UPK3A: variants seen among roughly 807,000 people sequenced by gnomAD.
The protein encoded by UPK3A is uroplakin 3A.
UPK3A carries 32 observed loss-of-function variants against 27.6 expected under a neutral mutation model. That is an observed-to-expected ratio of 1.16 (90% CI 0.87 to 1.55). The LOEUF (loss-of-function observed/expected upper bound fraction) is 1.55. UPK3A is among the 40% of genes most tolerant of loss of function. UPK3A has a pLI of 0.00. For synonymous variants in UPK3A, 171 were observed against 163.9 expected (o/e 1.04, Z -0.33); for missense variants, 370 against 367.9 (o/e 1.01, Z -0.05).
rs41278913 is a variant in UPK3A at position 45,295,806 on chromosome 22, G to T, written c.*87G>T. 23 of 1,537,204 alleles carry T rather than the reference G, an allele frequency of 1.5e-5. No homozygotes were observed. Among genetic ancestry groups the T allele is most frequent in the Non-Finnish European group, 2.0e-5 (22 of 1,122,998 alleles). Reference sequence around the variant, plus strand: ...GGTGGTTGTCACACCCTGACTTCAGGGAAGGTGAAACAGGGCTTGTCCCTC... The same window carrying T: ...GGTGGTTGTCACACCCTGACTTCAGTGAAGGTGAAACAGGGCTTGTCCCTC... On this transcript the variant is annotated 3_prime_UTR_variant, in exon 6 of 6. Transcript: ENST00000216211.
chr22:45,289,363 CAGG>C (rs1270878389), intron 4 of UPK3A, among the ~76,000 whole-genome samples: 1 of 152,016 alleles, frequency 6.6e-6, no homozygotes, highest in Non-Finnish European at 1.5e-5. Context: ...ATCACGAGGT[CAGG>C]AGATCGAGAC....
Position 45,295,728 on chromosome 22 carries a change from C to G in UPK3A, c.*9C>G. ...GCAAGCTCCAAGACTGAGCCCAGCA[C>G]CACCCCTGGGCAGCAGCATCCTCCT... On this transcript the variant is annotated 3_prime_UTR_variant, in exon 6 of 6. Transcript: ENST00000216211. The G allele has an allele frequency of 6.2e-7, 1 of 1,613,648 alleles. No homozygotes were observed. Among genetic ancestry groups the G allele is most frequent in the Non-Finnish European group, 8.5e-7 (1 of 1,179,988 alleles).
At chr22:45,289,828 C>G (rs1031721346) in intron 4 of UPK3A, among the ~76,000 whole-genome samples, 5 of 151,754 alleles carry the variant, frequency 3.3e-5, no homozygotes, top group African/African-American at 1.2e-4. Context: ...GGTGTGGGAA[C>G]AGATCAAGGT....
At position 45,295,424 on chromosome 22, in the gene UPK3A, A is replaced by T. The variant is rs2084188258; in HGVS notation, c.705-136A>T. On this transcript the variant is annotated intron_variant, in intron 5 of 5. Coordinates refer to ENST00000216211, the MANE Select transcript of UPK3A (RefSeq NM_006953.4). Reference sequence around the variant, plus strand: ...GGCACAGGGTCAGTGCTCCAGAAAGATGGATTGATTGAATTCATGTCTACG... The same window carrying T: ...GGCACAGGGTCAGTGCTCCAGAAAGTTGGATTGATTGAATTCATGTCTACG... The T allele has an allele frequency of 4.1e-6, 4 of 984,918 alleles. No homozygotes were observed. In the African/African-American group the frequency reaches 6.4e-5, roughly 16 times the overall value. 61.0% of individuals were successfully genotyped at this position (984,918 alleles called of 1,614,324 possible).
Position 45,288,996 on chromosome 22 carries a change from A to G in UPK3A, c.489-65A>G. 1.1e-5 allele frequency: 17 copies of G among 1,541,590 alleles called. No individual in the cohort carries two copies. The South Asian group carries it at 1.2e-4, about 11-fold the overall frequency. On this transcript the variant is annotated intron_variant, in intron 3 of 5. Transcript: ENST00000216211. ...CCCCTAGGCCATCCTACATCCCCCC[A>G]CCGCCTCCCTGTGGGTGGGGCTCAC... is the stretch of plus-strand genomic sequence containing the variant.
chr22:45,289,123 AC>A lies in UPK3A; in HGVS notation c.555del (p.Ile186SerfsTer23). ...GLVEDQTLWS[D>X]PIRTNQLTPY... is the part of the protein sequence containing the mutation. ...GTAGAGGACCAGACCCTGTGGTCAG[AC>A]CCCATCCGCACCAACCAGCGTAAGT... On this transcript the variant is annotated frameshift_variant, in exon 4 of 6. Coordinates refer to ENST00000216211, the MANE Select transcript of UPK3A (RefSeq NM_006953.4). LOFTEE classifies it high-confidence loss of function. The A allele has an allele frequency of 6.2e-7, 1 of 1,613,876 alleles. No homozygotes were observed.
At chr22:45,289,664 G>C (rs1048328412) in intron 4 of UPK3A, among the ~76,000 whole-genome samples, 3 of 151,004 alleles carry the variant, frequency 2.0e-5, no homozygotes, top group African/African-American at 7.3e-5. Context: ...TGAGGGAGGA[G>C]AATCGCTTGA....
chr22:45,290,667 T>C (rs1242665521), intron 4 of UPK3A, among the ~76,000 whole-genome samples: 2 of 152,038 alleles, frequency 1.3e-5, no homozygotes, highest in Admixed American at 6.5e-5. Flanking sequence ...CCCTGGGCCA[T>C]GGACCAGTAC....
At chr22:45,288,288 C>G (rs1016163480) in intron 3 of UPK3A, among the ~76,000 whole-genome samples, 1 of 152,060 alleles carries the variant, frequency 6.6e-6, no homozygotes, top group African/African-American at 2.4e-5. Flanking sequence ...CTCTGCCTCC[C>G]GGGTTCAAGC....
intron 5 of UPK3A, among the ~76,000 whole-genome samples, chr22:45,293,919 C>T (rs530651853): frequency 5.6e-4 from 85 of 152,184 alleles, no homozygotes; most frequent in Non-Finnish European, 1.0e-3. Context: ...TGATTTGTGT[C>T]GCCTTTGGAT....
chr22:45,288,025 C>A (rs1301871307), intron 3 of UPK3A, among the ~76,000 whole-genome samples: 1 of 152,078 alleles, frequency 6.6e-6, no homozygotes, highest in Non-Finnish European at 1.5e-5. Flanking sequence ...CTGGGGCCCA[C>A]AGATTATGCA....
intron 3 of UPK3A, among the ~76,000 whole-genome samples, chr22:45,287,940 C>T (rs879511951): frequency 2.0e-5 from 3 of 152,192 alleles, no homozygotes; most frequent in Non-Finnish European, 4.4e-5. Flanking sequence ...TATTGGGTTA[C>T]GGGCGTGAGC....
rs748451803 is a variant in UPK3A at position 45,286,109 on chromosome 22, C to T, written c.208+13C>T. On this transcript the variant is annotated intron_variant, in intron 2 of 5. Transcript: ENST00000216211. ...CTGGTCGACTCAGGTAAGGGTCCTG[C>T]TTCCCTCTGGCTACTCCAAAAGGGG... 2.1e-5 allele frequency: 34 copies of T among 1,613,888 alleles called. No homozygotes were observed. Among genetic ancestry groups the T allele is most frequent in the Non-Finnish European group, 2.8e-5 (33 of 1,179,954 alleles).
intron 4 of UPK3A, among the ~76,000 whole-genome samples, chr22:45,292,105 C>G (rs1201872123): frequency 3.3e-5 from 5 of 152,208 alleles, no homozygotes; most frequent in African/African-American, 1.2e-4. Context: ...TGAGCCCAAG[C>G]CCCGCCTCTG....
rs772016442 is a variant in UPK3A at position 45,289,070 on chromosome 22, T to C, written c.498T>C (p.Tyr166=). 6.2e-7 allele frequency: 1 copy of C among 1,613,924 alleles called. No homozygotes were observed. Among genetic ancestry groups the C allele is most frequent in the South Asian group, 1.1e-5 (1 of 91,088 alleles). ...CTCCGTCTCCTTCCAGGTTCAAGTA[T>C]GTCCTGGTCAATATGTCCACGGGCT... ...LSAATEYRFK[Y]VLVNMSTGLV... The change falls in exon 4 of 6, where the codon TAT becomes TAC. Residue 166 remains tyrosine, a synonymous_variant. Coordinates refer to ENST00000216211, the MANE Select transcript of UPK3A (RefSeq NM_006953.4).
intron 4 of UPK3A, among the ~76,000 whole-genome samples, chr22:45,292,329 T>A (rs2084167729): frequency 6.6e-6 from 1 of 152,160 alleles, no homozygotes; most frequent in African/African-American, 2.4e-5. Flanking sequence ...GGATTCTGCA[T>A]GTCCTTGGCT....
At chr22:45,290,994 G>C (rs986224914) in intron 4 of UPK3A, among the ~76,000 whole-genome samples, 2 of 152,152 alleles carry the variant, frequency 1.3e-5, no homozygotes, top group African/African-American at 4.8e-5. Context: ...ACATGATGAT[G>C]AGTTGTACAA....
intron 5 of UPK3A, among the ~76,000 whole-genome samples, chr22:45,293,724 C>T (rs943939728): frequency 6.6e-6 from 1 of 152,150 alleles, no homozygotes; most frequent in Non-Finnish European, 1.5e-5. Context: ...TATAGAGTCT[C>T]TAGAGCAGTG....
In UPK3A at chr22:45,285,051, TGCGGTTCG is replaced by T. The variant is rs763698492; in HGVS notation, c.41_48del (p.Arg14LeufsTer34). The T allele has an allele frequency of 6.5e-7, 1 of 1,536,492 alleles. No individual in the cohort carries two copies. The highest frequency in any genetic ancestry group is 1.2e-5 in the South Asian group (1 of 84,094). ...TGGGCCCTGCTGGCCCTCGGCTGCC[TGCGGTTCG>T]GCTCGGGTAGGCGGTGAAGGGCAGG... is the stretch of plus-strand genomic sequence containing the variant. On this transcript the variant is annotated frameshift_variant, in exon 1 of 6. Transcript: ENST00000216211. LOFTEE classifies it high-confidence loss of function.
Sources: gnomAD v4.1 joint callset for allele counts (sites outside exome capture counted in the v4.1 genomes callset) on GRCh38, gnomAD v4.1.1 for gene constraint, MANE v1.5 for transcripts, NCBI Gene and HGNC (gene_info 2026-07-23, HGNC 2026-07-21) for gene names.